NMU: variants seen among roughly 807,000 people sequenced by gnomAD.
NMU encodes neuromedin-U.
In NMU, 29 loss-of-function variants were observed where a neutral mutation model predicts 35.4. That is an observed-to-expected ratio of 0.82 (90% confidence interval 0.61 to 1.12). The LOEUF (loss-of-function observed/expected upper bound fraction) is 1.12, where lower values mean the gene tolerates loss of function less well. Ranked by LOEUF, NMU falls within the 50% of genes most tolerant of loss-of-function variation. NMU has a pLI of 0.00. For missense variants in NMU, 199 were observed against 206.2 expected (o/e 0.97, Z 0.21); for synonymous variants, 78 against 81.3 (o/e 0.96, Z 0.22).
intron 3 of NMU, among the ~76,000 whole-genome samples, chr4:55,615,188 G>A (rs1027433030): frequency 1.3e-5 from 2 of 152,194 alleles, no homozygotes; most frequent in Non-Finnish European, 2.9e-5. Context: ...CCATGCAGAG[G>A]AGCTAGATTA....
chr4:55,610,870 T>C (rs566665671), intron 3 of NMU, among the ~76,000 whole-genome samples: 4 of 152,232 alleles, frequency 2.6e-5, no homozygotes, highest in Non-Finnish European at 1.5e-5. Context: ...TTAATGATCC[T>C]GACCTGTGTA....
chr4:55,633,007 A>G (rs1715694512), intron 1 of NMU, among the ~76,000 whole-genome samples: 1 of 147,468 alleles, frequency 6.8e-6, no homozygotes, highest in African/African-American at 2.5e-5. Flanking sequence ...AAATTAAAAA[A>G]AAATTCTATA....
chr4:55,617,506 G>GACAC (rs147079985), intron 2 of NMU, among the ~76,000 whole-genome samples: 5 of 149,930 alleles, frequency 3.3e-5, no homozygotes, highest in South Asian at 2.1e-4. Context: ...TGAAATCATG[G>GACAC]ACACACACAC....
upstream of NMU, chr4:55,636,403 C>A: frequency 1.5e-6 from 1 of 646,392 alleles, no homozygotes; most frequent in Non-Finnish European, 2.3e-6. The surrounding 1 kb of genome is among the most constrained non-coding windows in gnomAD (Gnocchi z 4.0). Context: ...CGGCCTACCT[C>A]GCCTCACCCC....
chr4:55,619,491 C>T (rs61237486), intron 2 of NMU, among the ~76,000 whole-genome samples: 3,285 of 140,024 alleles, frequency 0.023, 134 homozygotes, highest in African/African-American at 0.084. Flanking sequence ...AGACTATATC[C>T]CACACCTGGC....
At chr4:55,607,986 C>T (rs1219866630) in intron 4 of NMU, among the ~76,000 whole-genome samples, 1 of 151,962 alleles carries the variant, frequency 6.6e-6, no homozygotes, top group Admixed American at 6.6e-5. Context: ...CTGGCTAACA[C>T]GGTGAAACCC....
rs1343606291 is a variant in NMU, at chr4:55,618,878, CTCTT to C, written c.172-2497_172-2494del. On this transcript the variant is annotated intron_variant, in intron 2 of 9. Transcript: ENST00000264218. Reference sequence around the variant, plus strand: ...CTTCTCTCTCTCTTTCTTTCTTTCTCTCTTTCTTTTTTTTTTTTTGTCTGGCTGT... The same window carrying C: ...CTTCTCTCTCTCTTTCTTTCTTTCTCTCTTTTTTTTTTTTTGTCTGGCTGT... Among the ~76,000 whole-genome samples the C allele has an allele frequency of 8.5e-5, 12 of 140,886 alleles. No homozygotes were observed. The East Asian group carries it at 1.0e-3, about 12-fold the overall frequency. The allele number at this position is 140,886 out of a possible 152,430, so 92.4% of individuals were successfully genotyped here.
intron 1 of NMU, among the ~76,000 whole-genome samples, chr4:55,635,860 T>C (rs1448141669): frequency 6.6e-6 from 1 of 152,208 alleles, no homozygotes; most frequent in Non-Finnish European, 1.5e-5. Context: ...GAGCAGGGCC[T>C]GGGTATTTCG....
intron 9 of NMU, among the ~76,000 whole-genome samples, chr4:55,596,634 A>C (rs1733190959): frequency 6.6e-6 from 1 of 152,144 alleles, no homozygotes. Context: ...AACATAATTT[A>C]TCAGGCCTCT....
At chr4:55,602,667 T>A (rs1206864246) in intron 7 of NMU, among the ~76,000 whole-genome samples, 1 of 152,186 alleles carries the variant, frequency 6.6e-6, no homozygotes, top group Non-Finnish European at 1.5e-5. Context: ...AAAAGTTAAA[T>A]CAAAAAAGCA....
intron 7 of NMU, among the ~76,000 whole-genome samples, chr4:55,602,541 T>C (rs1733468267): frequency 6.6e-6 from 1 of 152,198 alleles, no homozygotes; most frequent in Non-Finnish European, 1.5e-5. Context: ...GTTTTGTAAA[T>C]CACGGCACTG....
intron 3 of NMU, among the ~76,000 whole-genome samples, chr4:55,612,040 A>G (rs1733954277): frequency 1.3e-5 from 2 of 152,168 alleles, no homozygotes; most frequent in Non-Finnish European, 2.9e-5. Flanking sequence ...ATTGTGTTGC[A>G]TTGGTATTGC....
intron 3 of NMU, 102 bp from the exon 4 acceptor site, chr4:55,609,281 ACCTGGAAAAGAATCCT>A (rs1733833673): frequency 1.2e-6 from 1 of 844,132 alleles, no homozygotes; most frequent in African/African-American, 1.7e-5. Context: ...AATGCTAACT[ACCTGGAAAAGAATCCT>A]TCTGTAGATT....
intron 7 of NMU, among the ~76,000 whole-genome samples, chr4:55,604,125 G>A (rs10011089): frequency 0.16 from 22,059 of 141,156 alleles, 2,022 homozygotes; most frequent in South Asian, 0.21. Context: ...GAGTGCAGTG[G>A]CGAGATTTCA....
intron 1 of NMU, among the ~76,000 whole-genome samples, chr4:55,633,957 A>C (rs1715764210): frequency 6.6e-6 from 1 of 152,212 alleles, no homozygotes; most frequent in Non-Finnish European, 1.5e-5. Flanking sequence ...GTGTTCTCTG[A>C]ATAGTAAATT....
At chr4:55,598,814 C>T (rs1733308517) in intron 9 of NMU, among the ~76,000 whole-genome samples, 1 of 152,146 alleles carries the variant, frequency 6.6e-6, no homozygotes, top group Non-Finnish European at 1.5e-5. Context: ...ACATATCCTA[C>T]TTGCACAATA....
intron 3 of NMU, among the ~76,000 whole-genome samples, chr4:55,610,509 C>A (rs559791770): frequency 4.0e-5 from 6 of 151,882 alleles, no homozygotes; most frequent in African/African-American, 1.2e-4. Context: ...TGTTCAAGGC[C>A]TCCAGTAGTC....
intron 9 of NMU, among the ~76,000 whole-genome samples, chr4:55,596,596 G>C (rs1300917727): frequency 6.6e-6 from 1 of 151,848 alleles, no homozygotes; most frequent in East Asian, 1.9e-4. Context: ...ACAAAATTAA[G>C]GATATGTTTT....
intron 3 of NMU, among the ~76,000 whole-genome samples, chr4:55,610,153 T>C (rs537101673): frequency 1.3e-5 from 2 of 152,238 alleles, no homozygotes; most frequent in East Asian, 3.9e-4. Flanking sequence ...CTGAAGGGAT[T>C]CTTAATTTAG....
Sources: gnomAD v4.1 joint callset for allele counts (sites outside exome capture counted in the v4.1 genomes callset) on GRCh38, gnomAD v4.1.1 for gene constraint, Gnocchi (gnomAD v3.1) non-coding constraint, MANE v1.5 for transcripts, NCBI Gene and HGNC (gene_info 2026-07-23, HGNC 2026-07-21) for gene names.